DOCK5: variants seen among roughly 807,000 people sequenced by gnomAD.
DOCK5 encodes dedicator of cytokinesis protein 5.
Under a neutral mutation model 251.8 loss-of-function variants are expected in DOCK5, and 142 were observed. The observed-to-expected ratio is 0.56, with a 90% CI of 0.49 to 0.65. The LOEUF is 0.65. Ranked by LOEUF, DOCK5 falls within the 30% of genes least tolerant of loss-of-function variation. The pLI, the probability that DOCK5 is intolerant of heterozygous loss-of-function variation, is 0.00. For synonymous variants in DOCK5, 842 were observed against 835.5 expected (o/e 1.01, Z -0.13); for missense variants, 2,111 against 2,312.3 (o/e 0.91, Z 1.79).
At chr8:25,302,196 C>G in intron 9 of DOCK5, 129 bp from the exon 10 acceptor site, 4 of 1,274,372 alleles carry the variant, frequency 3.1e-6, no homozygotes, top group Non-Finnish European at 4.1e-6. Flanking sequence ...AGAAGAGAGT[C>G]GTTCTAATAC....
chr8:25,363,192 T>C (rs1462664451), intron 29 of DOCK5, 51 bp downstream of exon 29: 2 of 1,480,920 alleles, frequency 1.4e-6, no homozygotes, highest in Non-Finnish European at 1.9e-6. Flanking sequence ...TACCTAAGGC[T>C]GCTGTGTGAA....
chr8:25,324,092 G>C, intron 17 of DOCK5, 141 bp downstream of exon 17: 2 of 933,984 alleles, frequency 2.1e-6, no homozygotes, highest in Non-Finnish European at 3.2e-6. Flanking sequence ...AAACCCAGAG[G>C]GCTCTGGGCC....
At chr8:25,253,564 C>T (rs919715163) in intron 2 of DOCK5, among the ~76,000 whole-genome samples, 1 of 152,022 alleles carries the variant, frequency 6.6e-6, no homozygotes, top group Non-Finnish European at 1.5e-5. Flanking sequence ...GCTGGCTAAG[C>T]CTCATTAAGG....
chr8:25,363,067 T>C lies in DOCK5; in HGVS notation c.2970T>C (p.Phe990=). 1 of 1,614,008 alleles carries C rather than the reference T, an allele frequency of 6.2e-7. No individual in the cohort carries two copies. The highest frequency in any genetic ancestry group is 8.5e-7 in the Non-Finnish European group (1 of 1,179,858). ...CGCAGGACTTCCTCATGGAAACTTT[T>C]ATCATGTTCAAGGACCTGATTGGAA... The part of the protein sequence containing the change: ...QDIIDFLMET[F]IMFKDLIGKN... The change falls in exon 29 of 52, where the codon TTT becomes TTC. Residue 990 remains phenylalanine, a synonymous_variant. Transcript: ENST00000276440.
At chr8:25,370,584 A>T (rs769117247) in intron 34 of DOCK5, among the ~76,000 whole-genome samples, 9 of 151,866 alleles carry the variant, frequency 5.9e-5, no homozygotes, top group Non-Finnish European at 8.8e-5. Context: ...AGCTCACTAA[A>T]GCCTTGAACT....
Position 25,332,353 on chromosome 8 carries a change from G to A in DOCK5, c.2001+5G>A. 1 of 1,606,360 alleles carries A rather than the reference G, an allele frequency of 6.2e-7. No individual in the cohort carries two copies. The highest frequency in any genetic ancestry group is 8.5e-7 in the Non-Finnish European group (1 of 1,173,534). Reference sequence around the variant, plus strand: ...GATGGAGGAGAGATTGTTAAGGTATGTTTATATATTCATAGTTAGAAATAC... The same window carrying A: ...GATGGAGGAGAGATTGTTAAGGTATATTTATATATTCATAGTTAGAAATAC... On this transcript the variant is annotated splice_donor_5th_base_variant and intron_variant, in intron 19 of 51. Coordinates refer to ENST00000276440, the MANE Select transcript of DOCK5 (RefSeq NM_024940.8).
At position 25,186,052 on chromosome 8, in the gene DOCK5, C is replaced by T. The variant is rs146811042; in HGVS notation, c.43+1101C>T. ...CTCCCTTACTGAGGTCCTGTTTTTC[C>T]TCACCTCACTGGTTAATGAAGTGCA... is the stretch of plus-strand genomic sequence containing the variant. On this transcript the variant is annotated intron_variant, in intron 1 of 51. Coordinates refer to ENST00000276440, the MANE Select transcript of DOCK5 (RefSeq NM_024940.8). 1.2e-3 allele frequency among the ~76,000 whole-genome samples: 187 copies of T among 152,204 alleles called. 1 individual carries two copies. Among genetic ancestry groups the T allele is most frequent in the Non-Finnish European group, 2.0e-3 (138 of 68,008 alleles).
intron 4 of DOCK5, among the ~76,000 whole-genome samples, chr8:25,276,390 C>T (rs1176944469): frequency 2.0e-5 from 3 of 152,108 alleles, no homozygotes; most frequent in Non-Finnish European, 2.9e-5. Flanking sequence ...CCTCATTTGT[C>T]CTGGGAAGTA....
intron 11 of DOCK5, chr8:25,305,342 C>A (rs1226110477): frequency 6.7e-6 from 1 of 150,052 alleles, no homozygotes; most frequent in Non-Finnish European, 1.5e-5. Context: ...CATTTAAGAT[C>A]CCGAAGTTAG....
chr8:25,281,889 G>A (rs112396262), intron 5 of DOCK5, among the ~76,000 whole-genome samples: 2,633 of 125,602 alleles, frequency 0.021, no homozygotes, highest in Non-Finnish European at 0.023. Flanking sequence ...AAAAAAAAAA[G>A]AAAAAAAAAA....
chr8:25,246,424 C>T (rs974181419), intron 2 of DOCK5, among the ~76,000 whole-genome samples: 1 of 152,138 alleles, frequency 6.6e-6, no homozygotes, highest in Non-Finnish European at 1.5e-5. Flanking sequence ...CAGACACCCG[C>T]CGCCATGCCT....
chr8:25,360,426 G>T (rs1208856242), intron 28 of DOCK5, among the ~76,000 whole-genome samples: 2 of 152,152 alleles, frequency 1.3e-5, no homozygotes, highest in Non-Finnish European at 2.9e-5. Flanking sequence ...GCCCAGTATG[G>T]GGGGTGGGGG....
intron 1 of DOCK5, among the ~76,000 whole-genome samples, chr8:25,224,079 G>A (rs889452065): frequency 1.2e-4 from 19 of 152,010 alleles, no homozygotes; most frequent in Admixed American, 7.9e-4. Flanking sequence ...TGCTTTCCAC[G>A]TTTATATACT....
intron 1 of DOCK5, among the ~76,000 whole-genome samples, chr8:25,195,702 T>C (rs1801707482): frequency 6.6e-6 from 1 of 152,212 alleles, no homozygotes; most frequent in African/African-American, 2.4e-5. Context: ...GAGAGAGCCT[T>C]CTCTGAGAAG....
intron 39 of DOCK5, 63 bp downstream of exon 39, chr8:25,380,457 A>G: frequency 7.3e-7 from 1 of 1,373,114 alleles, no homozygotes; most frequent in Non-Finnish European, 1.0e-6. Context: ...ACTCATGAAA[A>G]TGTTTCCGTA....
rs1483055867 is a variant in DOCK5 at position 25,397,365 on chromosome 8, T to C, written c.4704+1646T>C. 3.9e-5 allele frequency among the ~76,000 whole-genome samples: 6 copies of C among 152,348 alleles called. No individual in the cohort carries two copies. In the South Asian group the frequency reaches 1.2e-3, roughly 32 times the overall value. ...GCTTCACCAGTGTTGGTTTTCTTCC[T>C]GCCTACTTGGAGCAGACGGTGTAAT... On this transcript the variant is annotated intron_variant, in intron 45 of 51. Transcript: ENST00000276440.
At chr8:25,372,938 T>C (rs186055246) in intron 35 of DOCK5, among the ~76,000 whole-genome samples, 1 of 152,166 alleles carries the variant, frequency 6.6e-6, no homozygotes, top group African/African-American at 2.4e-5. Context: ...TTGTTTGTTT[T>C]AATTTTTATT....
chr8:25,410,448 C>A (rs1306363123), intron 51 of DOCK5, among the ~76,000 whole-genome samples: 1 of 151,628 alleles, frequency 6.6e-6, no homozygotes, highest in Admixed American at 6.6e-5. Context: ...TGAAATAAGC[C>A]GTGAGTTCTA....
intron 3 of DOCK5, among the ~76,000 whole-genome samples, chr8:25,270,236 T>C (rs1036404032): frequency 2.0e-5 from 3 of 152,230 alleles, no homozygotes; most frequent in Non-Finnish European, 4.4e-5. Flanking sequence ...CCAAATTATT[T>C]TCATTTAATC....
Sources: gnomAD v4.1 joint callset for allele counts (sites outside exome capture counted in the v4.1 genomes callset) on GRCh38, gnomAD v4.1.1 for gene constraint, MANE v1.5 for transcripts, NCBI Gene and HGNC (gene_info 2026-07-23, HGNC 2026-07-21) for gene names.